Variants in ADARB2 observed in about 807,000 individuals in gnomAD.
ADARB2 encodes the protein inactive double-stranded RNA-specific editase B2.
Under a neutral mutation model 62.2 loss-of-function variants are expected in ADARB2, and 25 were observed. The ratio of observed to expected loss-of-function variants is 0.40; its 90% CI spans 0.29 to 0.56. The LOEUF is 0.56. ADARB2 is among the 20% of genes least tolerant of loss of function. ADARB2 has a pLI of 0.43. For synonymous variants in ADARB2, 572 were observed against 500.8 expected (o/e 1.14, Z -1.90); for missense variants, 1,071 against 1,077.4 (o/e 0.99, Z 0.08).
intron 1 of ADARB2, among the ~76,000 whole-genome samples, chr10:1,466,458 T>A (rs1382718811): frequency 6.6e-6 from 1 of 152,166 alleles, no homozygotes; most frequent in Non-Finnish European, 1.5e-5. Flanking sequence ...TGGGCAGCTC[T>A]CTGAGCACAC....
chr10:1,250,420 C>A (rs895665911), intron 4 of ADARB2, among the ~76,000 whole-genome samples: 6 of 152,052 alleles, frequency 3.9e-5, no homozygotes, highest in African/African-American at 1.4e-4. Context: ...ATGGATTAGT[C>A]TTCAAGGAAA....
chr10:1,265,713 C>T (rs113804830), intron 4 of ADARB2, among the ~76,000 whole-genome samples: 12 of 94,642 alleles, frequency 1.3e-4, no homozygotes, highest in South Asian at 4.5e-4. Context: ...ACGGCCTGAG[C>T]CAGGTCCACG....
chr10:1,462,831 T>G (rs904117393), intron 1 of ADARB2, among the ~76,000 whole-genome samples: 2 of 152,152 alleles, frequency 1.3e-5, no homozygotes, highest in African/African-American at 4.8e-5. Context: ...GTAGTGTGCA[T>G]GTGTGTATGT....
chr10:1,507,345 T>G lies in ADARB2; in HGVS notation c.101-128185A>C, dbSNP rs1831865008. On this transcript the variant is annotated intron_variant, in intron 1 of 9. Coordinates refer to ENST00000381312, the MANE Select transcript of ADARB2 (RefSeq NM_018702.4). ...CAGGAGGGAGCAAGACCAGACCCAC[T>G]GGAGAGGCTGGCATGAGCCTTGGCA... Among the ~76,000 whole-genome samples, 3 of 152,130 alleles carry G rather than the reference T, an allele frequency of 2.0e-5. No homozygotes were observed. In the South Asian group the frequency reaches 6.2e-4, roughly 32 times the overall value.
chr10:1,521,094 C>T (rs936101891), intron 1 of ADARB2, among the ~76,000 whole-genome samples: 1 of 152,150 alleles, frequency 6.6e-6, no homozygotes, highest in African/African-American at 2.4e-5. Flanking sequence ...AATTAATACT[C>T]CCATGTGCTC....
intron 1 of ADARB2, among the ~76,000 whole-genome samples, chr10:1,491,082 A>AT (rs1831615865): frequency 6.6e-6 from 1 of 151,842 alleles, no homozygotes; most frequent in Non-Finnish European, 1.5e-5. Context: ...AATTGTTATT[A>AT]TTTTTTAAGA....
chr10:1,279,209 C>A (rs72762916), intron 3 of ADARB2, among the ~76,000 whole-genome samples: 17,684 of 152,214 alleles, frequency 0.12, 1,222 homozygotes, highest in South Asian at 0.19. Context: ...GAGGCCTTTT[C>A]TCTTGGCGCG....
At chr10:1,734,219 T>A (rs1835271111) in intron 1 of ADARB2, among the ~76,000 whole-genome samples, 1 of 151,894 alleles carries the variant, frequency 6.6e-6, no homozygotes, top group Non-Finnish European at 1.5e-5. Context: ...TCTGAGAACC[T>A]TCTTTAAAGT....
chr10:1,289,190 A>G (rs148432287), intron 3 of ADARB2, among the ~76,000 whole-genome samples: 1 of 152,262 alleles, frequency 6.6e-6, no homozygotes, highest in Non-Finnish European at 1.5e-5. Flanking sequence ...AACTCTTTCA[A>G]CCAATTGCCA....
intron 1 of ADARB2, among the ~76,000 whole-genome samples, chr10:1,574,122 C>T (rs1037221792): frequency 6.6e-5 from 10 of 152,162 alleles, no homozygotes; most frequent in Admixed American, 2.6e-4. Flanking sequence ...TGGAAGGTGG[C>T]GTCCTTCCCT....
chr10:1,658,411 A>T, intron 1 of ADARB2, among the ~76,000 whole-genome samples: 4 of 142,028 alleles, frequency 2.8e-5, no homozygotes, highest in South Asian at 2.3e-4. Context: ...TCTCTATCTG[A>T]TACTGTCTCT....
At chr10:1,412,210 C>A (rs1402713709) in intron 1 of ADARB2, among the ~76,000 whole-genome samples, 1 of 152,116 alleles carries the variant, frequency 6.6e-6, no homozygotes, top group Non-Finnish European at 1.5e-5. Flanking sequence ...ATCCTGCGAG[C>A]CCGGAGACCT....
intron 3 of ADARB2, among the ~76,000 whole-genome samples, chr10:1,323,978 G>A (rs1287605309): frequency 6.6e-6 from 1 of 152,194 alleles, no homozygotes; most frequent in East Asian, 1.9e-4. Flanking sequence ...CATAAACTGC[G>A]AGGAAATATC....
chr10:1,429,099 T>C (rs1012008764), intron 1 of ADARB2, among the ~76,000 whole-genome samples: 1 of 152,176 alleles, frequency 6.6e-6, no homozygotes, highest in Non-Finnish European at 1.5e-5. Context: ...CTGGTTGTGA[T>C]GGTGTGCTCT....
At chr10:1,518,812 T>C (rs1408118926) in intron 1 of ADARB2, among the ~76,000 whole-genome samples, 1 of 151,944 alleles carries the variant, frequency 6.6e-6, no homozygotes, top group Non-Finnish European at 1.5e-5. Flanking sequence ...TGTCTGCATG[T>C]GGTGTGGTCA....
chr10:1,713,448 G>A (rs1024630374), intron 1 of ADARB2, among the ~76,000 whole-genome samples: 3 of 152,190 alleles, frequency 2.0e-5, no homozygotes, highest in African/African-American at 7.2e-5. Context: ...TGAAGGAGGT[G>A]GGAAAGGAGC....
intron 1 of ADARB2, among the ~76,000 whole-genome samples, chr10:1,580,545 T>C (rs10903494): frequency 0.51 from 77,286 of 150,170 alleles, 20,182 homozygotes; most frequent in East Asian, 0.64. Flanking sequence ...GAGCAGTTTG[T>C]GGTTCTCAGC....
chr10:1,301,071 T>C (rs1411907169), intron 3 of ADARB2, among the ~76,000 whole-genome samples: 3 of 152,152 alleles, frequency 2.0e-5, no homozygotes, highest in Admixed American at 6.5e-5. Flanking sequence ...ACAGGGCACA[T>C]AAGCACTGGT....
At chr10:1,199,939 G>C (rs375625514) in intron 8 of ADARB2, 27 bp downstream of exon 8, 23 of 1,490,390 alleles carry the variant, frequency 1.5e-5, no homozygotes, top group South Asian at 2.7e-5. Flanking sequence ...GAAGGAGGTG[G>C]AGGGCCCCCG....
Sources: gnomAD v4.1 joint callset for allele counts (sites outside exome capture counted in the v4.1 genomes callset) on GRCh38, gnomAD v4.1.1 for gene constraint, MANE v1.5 for transcripts, NCBI Gene and HGNC (gene_info 2026-07-23, HGNC 2026-07-21) for gene names.